CA10: variants seen among roughly 807,000 people sequenced by gnomAD.
CA10 encodes the protein carbonic anhydrase 10 (inactive).
In CA10, 14 loss-of-function variants were observed where a neutral mutation model predicts 44.2. The ratio of observed to expected loss-of-function variants is 0.32; its 90% CI spans 0.21 to 0.50. The LOEUF (loss-of-function observed/expected upper bound fraction) is 0.50. CA10 is among the 20% of genes least tolerant of loss of function. The pLI, the probability that CA10 is intolerant of heterozygous loss-of-function variation, is 0.99. For missense variants in CA10, 350 were observed against 409.7 expected (o/e 0.85, Z 1.26); for synonymous variants, 159 against 141.6 (o/e 1.12, Z -0.87).
chr17:51,730,879 T>C (rs978533971), intron 4 of CA10, among the ~76,000 whole-genome samples: 16 of 145,556 alleles, frequency 1.1e-4, no homozygotes, highest in African/African-American at 4.1e-4. Flanking sequence ...TCTGGGACTG[T>C]TAAAAAGATA....
chr17:51,970,862 C>A (rs781507472), intron 2 of CA10, among the ~76,000 whole-genome samples: 1 of 151,880 alleles, frequency 6.6e-6, no homozygotes, highest in East Asian at 1.9e-4. Flanking sequence ...CAAGAAGAAT[C>A]GGCAATAATA....
Position 52,081,526 on chromosome 17 carries a change from C to T in CA10, c.62-9133G>A, listed in dbSNP as rs560573055. On this transcript the variant is annotated intron_variant, in intron 1 of 8. Transcript: ENST00000451037. ...ATAAGATTTAGATGAAGCGGCCGGG[C>T]GCGGTGGCTCACGCCTGTAGTCCCA... Among the ~76,000 whole-genome samples the T allele has an allele frequency of 2.5e-4, 38 of 152,190 alleles. No homozygotes were observed. In the East Asian group the frequency reaches 6.2e-3, roughly 25 times the overall value.
intron 4 of CA10, among the ~76,000 whole-genome samples, chr17:51,673,417 C>G (rs562303355): frequency 7.9e-5 from 12 of 152,276 alleles, no homozygotes; most frequent in Admixed American, 3.3e-4. Context: ...AACTCTACTC[C>G]AAATCTCCTC....
intron 3 of CA10, among the ~76,000 whole-genome samples, chr17:51,821,116 T>TCCACCCTTCCCTC (rs1907777271): frequency 7.9e-6 from 1 of 126,234 alleles, no homozygotes; most frequent in Non-Finnish European, 1.7e-5. Flanking sequence ...TTCCTTTCCT[T>TCCACCCTTCCCTC]CCTCCCTTCC....
At position 51,820,417 on chromosome 17, in the gene CA10, C is replaced by G. The variant is rs191146045; in HGVS notation, c.280-72599G>C. On this transcript the variant is annotated intron_variant, in intron 3 of 8. Coordinates refer to ENST00000451037, the MANE Select transcript of CA10 (RefSeq NM_020178.5). The stretch of plus-strand genomic sequence containing the variant: ...TGGGGATTCCCCTACCCCCCCCCCC[C>G]CGCCCGCCGATTTTCCTGTACAAAG... 6.8e-3 allele frequency among the ~76,000 whole-genome samples: 480 copies of G among 70,120 alleles called. 64 individuals are homozygous for G. Among genetic ancestry groups the G allele is most frequent in the African/African-American group, 0.022 (450 of 20,216 alleles). 46.0% of individuals were successfully genotyped at this position (70,120 alleles called of 152,430 possible). A position where few individuals can be genotyped will look rare whatever the true frequency, so the allele number is the denominator to read the frequency against.
At chr17:52,154,204 G>A (rs1159413994) in intron 1 of CA10, among the ~76,000 whole-genome samples, 1 of 152,102 alleles carries the variant, frequency 6.6e-6, no homozygotes, top group Non-Finnish European at 1.5e-5. Context: ...ATATTTGAAA[G>A]GAATCTTGAA....
Position 51,769,736 on chromosome 17 carries a change from C to A in CA10, c.280-21918G>T, listed in dbSNP as rs969958219. 2.0e-5 allele frequency among the ~76,000 whole-genome samples: 3 copies of A among 152,138 alleles called. No homozygotes were observed. The East Asian group carries it at 5.8e-4, about 29-fold the overall frequency. ...AGTGAGTTAAACACTACTTCCTGGG[C>A]ACTCACCAGTGCATCCTAAAACGGT... On this transcript the variant is annotated intron_variant, in intron 3 of 8. Transcript: ENST00000451037.
intron 2 of CA10, among the ~76,000 whole-genome samples, chr17:52,050,818 T>C (rs1182825453): frequency 6.6e-6 from 1 of 152,108 alleles, no homozygotes; most frequent in Non-Finnish European, 1.5e-5. Context: ...AGAATGTGCA[T>C]ACTTTGAAAA....
At chr17:51,680,076 TG>T (rs999874261) in intron 4 of CA10, among the ~76,000 whole-genome samples, 3 of 152,156 alleles carry the variant, frequency 2.0e-5, no homozygotes, top group African/African-American at 7.2e-5. Context: ...AAGCCTAACA[TG>T]TTTACTATCT....
chr17:51,747,151 T>C (rs1168319284), intron 4 of CA10, among the ~76,000 whole-genome samples: 1 of 152,256 alleles, frequency 6.6e-6, no homozygotes, highest in Non-Finnish European at 1.5e-5. Flanking sequence ...GTTTCCATTT[T>C]GCAGAAACTC....
At chr17:51,963,909 C>A (rs985593960) in intron 2 of CA10, among the ~76,000 whole-genome samples, 1 of 152,050 alleles carries the variant, frequency 6.6e-6, no homozygotes, top group African/African-American at 2.4e-5. Flanking sequence ...AAAAATCTTG[C>A]ATATCAATAT....
At chr17:52,096,897 A>T (rs1327914407) in intron 1 of CA10, among the ~76,000 whole-genome samples, 2 of 152,212 alleles carry the variant, frequency 1.3e-5, no homozygotes, top group African/African-American at 4.8e-5. Flanking sequence ...TGCTTTTTTC[A>T]TTTATCATAA....
intron 3 of CA10, among the ~76,000 whole-genome samples, chr17:51,840,443 T>C (rs570389897): frequency 3.3e-5 from 5 of 151,732 alleles, no homozygotes; most frequent in African/African-American, 1.2e-4. Flanking sequence ...ATTTTTGTAA[T>C]GTACTTGAAC....
chr17:51,845,556 T>C (rs1413393202), intron 3 of CA10, among the ~76,000 whole-genome samples: 1 of 152,226 alleles, frequency 6.6e-6, no homozygotes, highest in African/African-American at 2.4e-5. Context: ...ATTGACGTAA[T>C]TTTTATGCAT....
chr17:52,060,221 A>G (rs1228425860), intron 2 of CA10, among the ~76,000 whole-genome samples: 3 of 152,174 alleles, frequency 2.0e-5, no homozygotes, highest in Non-Finnish European at 4.4e-5. Context: ...ACAGAAATTC[A>G]GGAATTTTAT....
intron 6 of CA10, among the ~76,000 whole-genome samples, chr17:51,643,050 T>C (rs971917509): frequency 2.6e-5 from 4 of 152,206 alleles, no homozygotes; most frequent in African/African-American, 9.6e-5. Flanking sequence ...AATAATACTG[T>C]CCTAAGATGT....
chr17:51,771,165 A>G (rs1318671239), intron 3 of CA10, among the ~76,000 whole-genome samples: 2 of 148,460 alleles, frequency 1.3e-5, no homozygotes, highest in African/African-American at 2.5e-5. Flanking sequence ...ATCTCCTGTG[A>G]ACCCAGAGTG....
At chr17:51,889,613 C>T (rs1455141155) in intron 3 of CA10, among the ~76,000 whole-genome samples, 1 of 152,124 alleles carries the variant, frequency 6.6e-6, no homozygotes, top group Non-Finnish European at 1.5e-5. Context: ...TACACAAGGA[C>T]ATCACTACTG....
intron 3 of CA10, among the ~76,000 whole-genome samples, chr17:51,776,379 T>C (rs1358132326): frequency 3.3e-5 from 5 of 151,904 alleles, no homozygotes. Flanking sequence ...TAAGAAAAGA[T>C]AAATAAATAT....
Sources: gnomAD v4.1 joint callset for allele counts (sites outside exome capture counted in the v4.1 genomes callset) on GRCh38, gnomAD v4.1.1 for gene constraint, MANE v1.5 for transcripts, NCBI Gene and HGNC (gene_info 2026-07-23, HGNC 2026-07-21) for gene names.